The following STX19 variants were observed in gnomAD, a reference collection of about 807,000 sequenced individuals.
STX19 encodes syntaxin 19.
Under a neutral mutation model 24.3 loss-of-function variants are expected in STX19, and 26 were observed. That is an observed-to-expected ratio of 1.07 (90% CI 0.78 to 1.48). STX19 has a LOEUF of 1.48. Among genes scored for constraint, STX19 ranks in the 40% most tolerant of loss-of-function variants. The pLI, the probability that STX19 is intolerant of heterozygous loss-of-function variation, is 0.00. For missense variants in STX19, 367 were observed against 331.9 expected, an observed-to-expected ratio of 1.11 and a Z score of -0.82; for synonymous variants, 116 against 106.9, an observed-to-expected ratio of 1.09 and a Z score of -0.52.
chr3:94,026,372 C>T (rs2076558547), intron 1 of STX19, among the ~76,000 whole-genome samples: 1 of 152,162 alleles, frequency 6.6e-6, no homozygotes, highest in African/African-American at 2.4e-5. Flanking sequence ...GACTGAAAGT[C>T]ACAGTTGCTT....
At chr3:94,018,468 C>CT (rs966008002) in intron 1 of STX19, among the ~76,000 whole-genome samples, 1 of 151,974 alleles carries the variant, frequency 6.6e-6, no homozygotes, top group African/African-American at 2.4e-5. Flanking sequence ...TCACTATTTT[C>CT]TTTTTCCTGG....
chr3:94,027,916 C>G, intron 1 of STX19, among the ~76,000 whole-genome samples: 1 of 151,976 alleles, frequency 6.6e-6, no homozygotes, highest in Non-Finnish European at 1.5e-5. Context: ...CAATTAAGAC[C>G]ATTATAGCAA....
At chr3:94,027,172 G>C (rs922271315) in intron 1 of STX19, among the ~76,000 whole-genome samples, 1 of 151,904 alleles carries the variant, frequency 6.6e-6, no homozygotes, top group South Asian at 2.1e-4. Context: ...AGAATATTCT[G>C]TTGCTTTTGT....
At chr3:94,026,501 G>GTAGT (rs1559995331) in intron 1 of STX19, among the ~76,000 whole-genome samples, 1 of 152,034 alleles carries the variant, frequency 6.6e-6, no homozygotes, top group Non-Finnish European at 1.5e-5. Context: ...ACATTTTCTA[G>GTAGT]TAGTTGCATA....
At chr3:94,023,752 A>G (rs1018970142) in intron 1 of STX19, among the ~76,000 whole-genome samples, 1 of 152,222 alleles carries the variant, frequency 6.6e-6, no homozygotes, top group African/African-American at 2.4e-5. Flanking sequence ...ATCCTAGTGA[A>G]ATATACACAA....
intron 1 of STX19, among the ~76,000 whole-genome samples, chr3:94,024,587 T>A (rs968334831): frequency 1.3e-5 from 2 of 152,138 alleles, no homozygotes; most frequent in Non-Finnish European, 2.9e-5. Flanking sequence ...TTGGGCGTGT[T>A]GTTTTGTTTT....
chr3:94,024,738 A>G (rs1170599312), intron 1 of STX19, among the ~76,000 whole-genome samples: 1 of 151,960 alleles, frequency 6.6e-6, no homozygotes, highest in East Asian at 1.9e-4. Flanking sequence ...GTTGCATGCC[A>G]CTGTGCTTGG....
At chr3:94,022,055 T>C (rs571854799) in intron 1 of STX19, among the ~76,000 whole-genome samples, 1 of 152,260 alleles carries the variant, frequency 6.6e-6, no homozygotes, top group South Asian at 2.1e-4. Context: ...TCCTTAGCTA[T>C]ATGTTGCATC....
intron 1 of STX19, among the ~76,000 whole-genome samples, chr3:94,025,500 G>A (rs1034934521): frequency 1.3e-5 from 2 of 152,148 alleles, no homozygotes; most frequent in African/African-American, 4.8e-5. Context: ...GTTATTTCTA[G>A]TTTCTTAGGA....
At chr3:94,015,833 C>T (rs1013794832) in intron 1 of STX19, among the ~76,000 whole-genome samples, 25 of 152,214 alleles carry the variant, frequency 1.6e-4, no homozygotes, top group African/African-American at 5.8e-4. Context: ...TCTGAATTAA[C>T]GTATTACTTG....
chr3:94,026,188 T>C (rs1438808998), intron 1 of STX19, among the ~76,000 whole-genome samples: 1 of 152,086 alleles, frequency 6.6e-6, no homozygotes, highest in Non-Finnish European at 1.5e-5. Context: ...CCCGACTAAC[T>C]TTTTATATTT....
At chr3:94,023,489 C>CT (rs974828107) in intron 1 of STX19, among the ~76,000 whole-genome samples, 23 of 150,196 alleles carry the variant, frequency 1.5e-4, no homozygotes, top group African/African-American at 3.9e-4. Context: ...TACGGTCTTG[C>CT]TTTTTTTTTA....
chr3:94,016,464 G>C (rs532531583), intron 1 of STX19, among the ~76,000 whole-genome samples: 1 of 151,850 alleles, frequency 6.6e-6, no homozygotes. Flanking sequence ...GTACAGGGTA[G>C]GGATTCAAAT....
chr3:94,021,063 C>T (rs1188124356), intron 1 of STX19, among the ~76,000 whole-genome samples: 1 of 151,790 alleles, frequency 6.6e-6, no homozygotes, highest in Non-Finnish European at 1.5e-5. Context: ...ATGAATGATA[C>T]TAAACCTGGA....
At chr3:94,020,769 A>C (rs1171148282) in intron 1 of STX19, among the ~76,000 whole-genome samples, 1 of 152,206 alleles carries the variant, frequency 6.6e-6, no homozygotes, top group Non-Finnish European at 1.5e-5. Context: ...AAATGCACTT[A>C]AAGCATTCTA....
chr3:94,026,767 T>A (rs1316656177), intron 1 of STX19, among the ~76,000 whole-genome samples: 2 of 152,166 alleles, frequency 1.3e-5, no homozygotes, highest in Non-Finnish European at 2.9e-5. Context: ...TATACAAATA[T>A]GAATCATCTT....
intron 1 of STX19, among the ~76,000 whole-genome samples, chr3:94,025,297 T>C (rs1275485483): frequency 6.6e-6 from 1 of 151,638 alleles, no homozygotes; most frequent in African/African-American, 2.4e-5. Context: ...ATTATTGATA[T>C]TAAAGGCAAA....
intron 1 of STX19, among the ~76,000 whole-genome samples, chr3:94,024,635 G>A (rs886596447): frequency 6.6e-6 from 1 of 152,184 alleles, no homozygotes; most frequent in African/African-American, 2.4e-5. Flanking sequence ...ACCCAGGCTA[G>A]AGTATAGTGG....
chr3:94,026,021 CTTT>C (rs548770030), intron 1 of STX19, among the ~76,000 whole-genome samples: 10 of 140,262 alleles, frequency 7.1e-5, no homozygotes, highest in Admixed American at 2.2e-4. Context: ...GAAAACTTCT[CTTT>C]TTTTTTTTTT....
Sources: allele counts gnomAD v4.1 joint callset (sites outside exome capture counted in the v4.1 genomes callset), GRCh38; gene constraint gnomAD v4.1.1; transcripts MANE v1.5; gene names NCBI Gene and HGNC (gene_info 2026-07-23, HGNC 2026-07-21).